SOX5: variants seen among roughly 807,000 people sequenced by gnomAD.
SOX5 encodes SRY-box transcription factor 5, also known as transcription factor SOX-5.
SOX5 carries 9 observed loss-of-function variants against 92.0 expected under a neutral mutation model. The ratio of observed to expected loss-of-function variants is 0.10; its 90% CI spans 0.06 to 0.17. The LOEUF is 0.17. SOX5 is among the 10% of genes least tolerant of loss of function. SOX5 has a pLI of 1.00. For synonymous variants in SOX5, 344 were observed against 336.3 expected (o/e 1.02, Z -0.25); for missense variants, 642 against 944.5 (o/e 0.68, Z 4.20).
chr12:24,459,552 C>T (rs1024100281), intron 1 of SOX5, among the ~76,000 whole-genome samples: 3 of 151,962 alleles, frequency 2.0e-5, no homozygotes, highest in East Asian at 1.9e-4. Context: ...ATTAATTTAT[C>T]GATTTTTTCA....
At chr12:24,146,059 C>T (rs1383455714) in intron 4 of SOX5, among the ~76,000 whole-genome samples, 1 of 152,118 alleles carries the variant, frequency 6.6e-6, no homozygotes, top group East Asian at 1.9e-4. Context: ...TTTCAATATC[C>T]ATTGCTCAAT....
intron 6 of SOX5, among the ~76,000 whole-genome samples, chr12:23,685,871 T>C (rs529040963): frequency 4.6e-5 from 7 of 152,292 alleles, no homozygotes; most frequent in African/African-American, 1.4e-4. Flanking sequence ...GTAGGAGATA[T>C]TGTGTCTAAT....
chr12:24,057,179 G>C (rs942646231), intron 4 of SOX5, among the ~76,000 whole-genome samples: 7 of 151,764 alleles, frequency 4.6e-5, no homozygotes, highest in Admixed American at 2.0e-4. Context: ...ATGGACATGA[G>C]GATGGTCTGA....
chr12:24,512,273 C>A (rs1230830133), intron 1 of SOX5, among the ~76,000 whole-genome samples: 1 of 152,170 alleles, frequency 6.6e-6, no homozygotes, highest in Admixed American at 6.5e-5. Flanking sequence ...AACACGGATA[C>A]TTGATCTATC....
intron 8 of SOX5, among the ~76,000 whole-genome samples, chr12:23,633,120 G>T (rs1057175941): frequency 6.6e-6 from 1 of 151,946 alleles, no homozygotes; most frequent in East Asian, 1.9e-4. Flanking sequence ...GCTTCCTATA[G>T]GTAGAACAGG....
chr12:23,837,293 A>T (rs185895948), intron 3 of SOX5, among the ~76,000 whole-genome samples: 3 of 104,722 alleles, frequency 2.9e-5, no homozygotes, highest in Admixed American at 1.5e-4. Flanking sequence ...ATTTATATTT[A>T]TATAATATAT....
intron 2 of SOX5, among the ~76,000 whole-genome samples, chr12:24,355,333 A>T (rs538069950): frequency 1.2e-5 from 1 of 86,410 alleles, no homozygotes; most frequent in Non-Finnish European, 2.1e-5. Context: ...TTTGAGATGG[A>T]GTCTCGCTCT....
intron 1 of SOX5, among the ~76,000 whole-genome samples, chr12:24,561,925 C>T (rs1163314943): frequency 6.6e-6 from 1 of 152,180 alleles, no homozygotes; most frequent in Non-Finnish European, 1.5e-5. Flanking sequence ...GGGTTCTCCC[C>T]GCACTCTCCT....
intron 3 of SOX5, among the ~76,000 whole-genome samples, chr12:23,808,068 G>A (rs926658116): frequency 3.3e-5 from 5 of 152,006 alleles, no homozygotes; most frequent in Non-Finnish European, 7.4e-5. Context: ...AATATGTGCA[G>A]AATATATGTT....
Position 24,423,542 on chromosome 12 carries a change from C to T in SOX5, c.-250-54903G>A, listed in dbSNP as rs116231246. ...TTACATCTATATCATTCCTTCTACA[C>T]GGAGCATTTCATATAACAAAGTATG... On this transcript the variant is annotated intron_variant, in intron 1 of 4. Transcript: ENST00000446891. 5.1e-3 allele frequency among the ~76,000 whole-genome samples: 779 copies of T among 152,290 alleles called. 5 individuals carry two copies. Among genetic ancestry groups the T allele is most frequent in the African/African-American group, 0.018 (762 of 41,562 alleles).
chr12:24,201,921 A>G (rs997988258), intron 4 of SOX5, among the ~76,000 whole-genome samples: 4 of 152,220 alleles, frequency 2.6e-5, no homozygotes, highest in African/African-American at 4.8e-5. Flanking sequence ...ACATTTGTAT[A>G]GCTGGAGTTT....
intron 2 of SOX5, among the ~76,000 whole-genome samples, chr12:24,299,625 G>A (rs115363515): frequency 1.3e-3 from 195 of 152,248 alleles, no homozygotes; most frequent in African/African-American, 4.0e-3. Context: ...ACAAACACTA[G>A]ACAGTTTATG....
chr12:23,886,284 T>C (rs1429995412), intron 2 of SOX5, among the ~76,000 whole-genome samples: 1 of 152,194 alleles, frequency 6.6e-6, no homozygotes, highest in African/African-American at 2.4e-5. Context: ...TAGACTCCCT[T>C]ATGTTATTTT....
chr12:24,490,093 C>T (rs940159809), intron 1 of SOX5, among the ~76,000 whole-genome samples: 2 of 152,310 alleles, frequency 1.3e-5, no homozygotes, highest in Middle Eastern at 3.4e-3. Context: ...ATACATTCAG[C>T]GCACTGCTTT....
intron 3 of SOX5, among the ~76,000 whole-genome samples, chr12:24,221,294 C>T (rs1960358364): frequency 6.6e-6 from 1 of 152,140 alleles, no homozygotes; most frequent in Non-Finnish European, 1.5e-5. Context: ...CTCCTTCTTC[C>T]TTTCCTTTCT....
intron 4 of SOX5, among the ~76,000 whole-genome samples, chr12:23,746,177 A>G (rs1026015274): frequency 4.6e-5 from 7 of 152,260 alleles, no homozygotes; most frequent in Middle Eastern, 3.4e-3. Context: ...ATCATCCCCA[A>G]GTGCTTAGAG....
At chr12:24,446,000 A>G (rs935310560) in intron 1 of SOX5, among the ~76,000 whole-genome samples, 1 of 152,252 alleles carries the variant, frequency 6.6e-6, no homozygotes, top group Admixed American at 6.5e-5. Context: ...GGGCCAACAC[A>G]TTATGGAAAC....
intron 3 of SOX5, among the ~76,000 whole-genome samples, chr12:23,783,943 G>C (rs888959397): frequency 6.6e-6 from 1 of 152,078 alleles, no homozygotes; most frequent in South Asian, 2.1e-4. Context: ...TTATCACCTG[G>C]AGGATTGTTA....
At chr12:24,017,921 G>T (rs1389574412) in intron 4 of SOX5, among the ~76,000 whole-genome samples, 1 of 152,152 alleles carries the variant, frequency 6.6e-6, no homozygotes, top group South Asian at 2.1e-4. Flanking sequence ...AGGGGACTAG[G>T]CATCTTCCCC....
Sources: gnomAD v4.1 joint callset for allele counts (sites outside exome capture counted in the v4.1 genomes callset) on GRCh38, gnomAD v4.1.1 for gene constraint, MANE v1.5 for transcripts, NCBI Gene and HGNC (gene_info 2026-07-23, HGNC 2026-07-21) for gene names.